The following FRY variants were observed in gnomAD, a reference collection of about 807,000 sequenced individuals.
FRY encodes protein furry homolog.
A neutral mutation model predicts 348.4 loss-of-function variants in FRY; 128 were observed. The observed-to-expected ratio is 0.37, with a 90% CI of 0.32 to 0.43. FRY has a LOEUF of 0.43. FRY is among the 20% of genes least tolerant of loss of function. The pLI is 1.00. For synonymous variants in FRY, 1,370 were observed against 1,374.7 expected, an observed-to-expected ratio of 1.00 and a Z score of 0.08; for missense variants, 2,736 against 3,695.2, an observed-to-expected ratio of 0.74 and a Z score of 6.73.
chr13:32,113,544 A>G (rs1190737851), intron 3 of FRY, among the ~76,000 whole-genome samples: 2 of 152,250 alleles, frequency 1.3e-5, no homozygotes, highest in African/African-American at 2.4e-5. Context: ...ACAAGTATGA[A>G]ATAGTCCTGT....
chr13:32,178,141 C>T (rs376404849), intron 20 of FRY, 36 bp from the exon 21 acceptor site: 284 of 1,611,980 alleles, frequency 1.8e-4, no homozygotes, highest in Non-Finnish European at 2.2e-4. Flanking sequence ...AACTTCAGTT[C>T]GGGTTTAACT....
intron 36 of FRY, 81 bp downstream of exon 36, chr13:32,218,912 G>C: frequency 1.2e-6 from 1 of 805,966 alleles, no homozygotes. Context: ...ATTGTTCTTG[G>C]TCTGATTACT....
intron 2 of FRY, among the ~76,000 whole-genome samples, chr13:32,085,380 A>T (rs557559970): frequency 6.6e-6 from 1 of 152,326 alleles, no homozygotes; most frequent in African/African-American, 2.4e-5. Context: ...GTTTTTCTGA[A>T]TTCAAGTGCT....
chr13:32,174,364 T>TA (rs1342789526), intron 19 of FRY, among the ~76,000 whole-genome samples: 1 of 152,220 alleles, frequency 6.6e-6, no homozygotes, highest in Non-Finnish European at 1.5e-5. Flanking sequence ...TGGCATCTGG[T>TA]AAATGAATCT....
chr13:32,113,353 T>C (rs1480695645), intron 3 of FRY, among the ~76,000 whole-genome samples: 1 of 152,244 alleles, frequency 6.6e-6, no homozygotes, highest in Non-Finnish European at 1.5e-5. Flanking sequence ...TTCAAACACT[T>C]ATATGTAAAG....
intron 14 of FRY, 140 bp from the exon 15 acceptor site, chr13:32,155,351 C>T (rs1881046929): frequency 1.4e-6 from 1 of 706,392 alleles, no homozygotes; most frequent in African/African-American, 1.8e-5. Flanking sequence ...TAAGATTGCT[C>T]TACACTCTTG....
chr13:32,123,928 G>A (rs111548756), intron 4 of FRY, among the ~76,000 whole-genome samples: 1,543 of 152,114 alleles, frequency 0.01, 30 homozygotes, highest in African/African-American at 0.035. Flanking sequence ...TCCGCCTCCC[G>A]GGTTCAGACG....
chr13:32,238,044 G>C, intron 44 of FRY, 58 bp downstream of exon 44: 1 of 1,581,130 alleles, frequency 6.3e-7, no homozygotes, highest in South Asian at 1.1e-5. Context: ...TTCATCATTT[G>C]GTACAATAAG....
chr13:32,207,333 C>T (rs1884414774), intron 31 of FRY, among the ~76,000 whole-genome samples: 1 of 152,102 alleles, frequency 6.6e-6, no homozygotes, highest in African/African-American at 2.4e-5. Context: ...TCTTTGCACC[C>T]AGAAGTCATT....
intron 55 of FRY, among the ~76,000 whole-genome samples, chr13:32,270,176 C>G (rs1888135080): frequency 6.6e-6 from 1 of 150,600 alleles, no homozygotes; most frequent in East Asian, 1.9e-4. Context: ...GATTGAGAGG[C>G]AAAGCAACTT....
chr13:32,213,915 ACTC>A, intron 35 of FRY, among the ~76,000 whole-genome samples: 2 of 152,238 alleles, frequency 1.3e-5, no homozygotes, highest in South Asian at 4.1e-4. Context: ...TTTAGCTCTT[ACTC>A]CTGCTCTGTC....
chr13:32,115,904 A>C (rs78841932), intron 3 of FRY, among the ~76,000 whole-genome samples: 5,251 of 152,148 alleles, frequency 0.035, 94 homozygotes, highest in African/African-American at 0.049. Context: ...AGTATCTCTA[A>C]CAAATTGGAA....
chr13:32,295,405 A>C lies in FRY; in HGVS notation c.8987A>C (p.Tyr2996Ser). ...IRDMIRRAQS[Y>S]RVLTTFLPDS... ...GACATGATCCGCAGGGCCCAGAGTT[A>C]CCGAGTCCTCACTACTTTTCTTCCA... Residue 2996 changes from tyrosine (Y) to serine (S), a missense_variant, in exon 61 of 61, where the codon TAC (tyrosine) becomes TCC (serine). Physicochemically the swap from Tyr to Ser is moderately radical, Grantham distance 144. This residue lies in a region of FRY where 157 missense variants were observed against 215.2 expected (regional missense o/e 0.73). Transcript: ENST00000542859. The C allele has an allele frequency of 6.2e-7, 1 of 1,612,668 alleles. No individual in the cohort carries two copies. The highest frequency in any genetic ancestry group is 8.5e-7 in the Non-Finnish European group (1 of 1,179,874).
In FRY at chr13:32,117,487, G is replaced by A. The variant is rs766682419; in HGVS notation, c.464+14G>A. On this transcript the variant is annotated intron_variant, in intron 4 of 60. Coordinates refer to ENST00000542859, the MANE Select transcript of FRY (RefSeq NM_023037.3). ...TAAATCAAAAAGGTACATTTCTTTTGTGTAAGGATCATGGTTTTATTTTGT... is the reference window on the plus strand; with the variant it reads ...TAAATCAAAAAGGTACATTTCTTTTATGTAAGGATCATGGTTTTATTTTGT... 12 of 1,611,386 alleles carry A rather than the reference G, an allele frequency of 7.4e-6. No individual in the cohort carries two copies. In the South Asian group the frequency reaches 1.3e-4, roughly 18 times the overall value.
chr13:32,218,814 C>A lies in FRY; in HGVS notation c.4748C>A (p.Ser1583Tyr). ...AGATACAGCAATAGCTCTGGAGGAT[C>A]CTACGATGAAGATAAAAGTAAGTAC... Reference protein sequence around the residue: ...ESRYSNSSGGSYDEDKNDPIS... With the variant: ...ESRYSNSSGGYYDEDKNDPIS... The change falls in exon 36 of 61, where the codon TCC becomes TAC. Residue 1583 changes from serine (S) to tyrosine (Y), a missense_variant. By Grantham distance (144) the Ser-to-Tyr change is moderately radical (BLOSUM62 -2). Coordinates refer to ENST00000542859, the MANE Select transcript of FRY (RefSeq NM_023037.3). 3 of 1,599,174 alleles carry A rather than the reference C, an allele frequency of 1.9e-6. No individual in the cohort carries two copies. Among genetic ancestry groups the A allele is most frequent in the Non-Finnish European group, 2.6e-6 (3 of 1,166,694 alleles).
chr13:32,055,638 G>A (rs117152316), intron 1 of FRY, among the ~76,000 whole-genome samples: 3,845 of 152,150 alleles, frequency 0.025, 56 homozygotes, highest in Middle Eastern at 0.068. Context: ...AAATAATTGA[G>A]TTCAACTCAA....
In FRY at chr13:32,194,156, G is replaced by C; in HGVS notation, c.3605G>C (p.Gly1202Ala). 1 of 1,613,808 alleles carries C rather than the reference G, an allele frequency of 6.2e-7. No individual in the cohort carries two copies. The highest frequency in any genetic ancestry group is 8.5e-7 in the Non-Finnish European group (1 of 1,179,786). Residue 1202 changes from glycine to alanine, a missense_variant, in exon 29 of 61, where the codon GGC becomes GCC. Coordinates refer to ENST00000542859, the MANE Select transcript of FRY (RefSeq NM_023037.3). ...ACQDLRVHQL[G>A]CEVVVLLLEL... ...CCATGTATTCAGGTTCATCAACTTG[G>C]CTGCGAAGTTGTTGTCTTGCTACTG...
chr13:32,157,863 A>G (rs1350258267), intron 16 of FRY, among the ~76,000 whole-genome samples: 1 of 152,248 alleles, frequency 6.6e-6, no homozygotes, highest in Non-Finnish European at 1.5e-5. Flanking sequence ...CAAATCAAGT[A>G]TTCTTATTCA....
At chr13:32,083,286 T>C (rs1481140310) in intron 2 of FRY, among the ~76,000 whole-genome samples, 1 of 152,182 alleles carries the variant, frequency 6.6e-6, no homozygotes, top group Admixed American at 6.5e-5. Context: ...GCTATTTAGT[T>C]CTCTTTGAAA....
Sources: gnomAD v4.1 joint callset for allele counts (sites outside exome capture counted in the v4.1 genomes callset) on GRCh38, gnomAD v4.1.1 for gene constraint, gnomAD v4.1.1 regional missense constraint, MANE v1.5 for transcripts, NCBI Gene and HGNC (gene_info 2026-07-23, HGNC 2026-07-21) for gene names.